The following CAMKMT variants were observed in gnomAD, a reference collection of about 807,000 sequenced individuals.
CAMKMT encodes CaM KMT.
Under a neutral mutation model 48.0 loss-of-function variants are expected in CAMKMT, and 53 were observed. That is an observed-to-expected ratio of 1.10 (90% confidence interval 0.89 to 1.39). The LOEUF (loss-of-function observed/expected upper bound fraction) is 1.39, where lower values mean the gene tolerates loss of function less well. CAMKMT is among the 40% of genes most tolerant of loss of function. The probability of loss-of-function intolerance (pLI) is 0.00; values close to 1 mark genes in which losing one functional copy is unlikely to be tolerated. For synonymous variants in CAMKMT, 165 were observed against 152.3 expected, an observed-to-expected ratio of 1.08 and a Z score of -0.61; for missense variants, 428 against 402.7, an observed-to-expected ratio of 1.06 and a Z score of -0.54.
At chr2:44,616,390 C>T (rs543575257) in intron 3 of CAMKMT, among the ~76,000 whole-genome samples, 1 of 152,316 alleles carries the variant, frequency 6.6e-6, no homozygotes, top group South Asian at 2.1e-4. Flanking sequence ...GGAAGAAGAG[C>T]TCTAGTGACT....
intron 3 of CAMKMT, among the ~76,000 whole-genome samples, chr2:44,518,104 C>G (rs1271756475): frequency 6.6e-6 from 1 of 151,952 alleles, no homozygotes; most frequent in Non-Finnish European, 1.5e-5. Flanking sequence ...TCATCCTCTA[C>G]TATTCAATTT....
intron 3 of CAMKMT, among the ~76,000 whole-genome samples, chr2:44,413,421 A>G (rs1171234839): frequency 6.6e-6 from 1 of 152,144 alleles, no homozygotes; most frequent in Non-Finnish European, 1.5e-5. Flanking sequence ...TGGGAGGCCA[A>G]GGCGGGTGGA....
At chr2:44,678,859 G>A (rs757509460) in intron 3 of CAMKMT, among the ~76,000 whole-genome samples, 1 of 152,120 alleles carries the variant, frequency 6.6e-6, no homozygotes, top group Non-Finnish European at 1.5e-5. Context: ...GGCAGACTCT[G>A]CTACTCACTT....
At chr2:44,505,931 G>A (rs779579670) in intron 3 of CAMKMT, among the ~76,000 whole-genome samples, 11 of 151,924 alleles carry the variant, frequency 7.2e-5, no homozygotes, top group Non-Finnish European at 1.3e-4. Flanking sequence ...GCAGTGGCGC[G>A]ATCTTGGCTT....
intron 3 of CAMKMT, among the ~76,000 whole-genome samples, chr2:44,479,049 C>G (rs965397388): frequency 2.0e-5 from 3 of 152,146 alleles, no homozygotes; most frequent in African/African-American, 4.8e-5. Context: ...GTACATATTG[C>G]TATTCTTAAA....
At chr2:44,575,204 G>T (rs1407704012) in intron 3 of CAMKMT, among the ~76,000 whole-genome samples, 2 of 152,002 alleles carry the variant, frequency 1.3e-5, no homozygotes, top group Non-Finnish European at 2.9e-5. Flanking sequence ...TCGGTCTCCT[G>T]AGTAGCTGGA....
intron 3 of CAMKMT, among the ~76,000 whole-genome samples, chr2:44,594,015 A>G (rs1670493049): frequency 6.6e-6 from 1 of 152,026 alleles, no homozygotes; most frequent in Non-Finnish European, 1.5e-5. Flanking sequence ...TGCCCACCTC[A>G]GCCTCCAAAA....
chr2:44,599,506 C>T (rs947862464), intron 3 of CAMKMT, among the ~76,000 whole-genome samples: 1 of 151,952 alleles, frequency 6.6e-6, no homozygotes, highest in African/African-American at 2.4e-5. Flanking sequence ...AATACATGCC[C>T]TGTTATTATT....
intron 3 of CAMKMT, among the ~76,000 whole-genome samples, chr2:44,595,109 C>G (rs962891216): frequency 1.3e-5 from 2 of 152,180 alleles, no homozygotes; most frequent in African/African-American, 4.8e-5. Context: ...GAGATACCAT[C>G]TCATGCCAGT....
chr2:44,432,437 G>C (rs1010353661), intron 3 of CAMKMT, among the ~76,000 whole-genome samples: 1 of 152,206 alleles, frequency 6.6e-6, no homozygotes, highest in Non-Finnish European at 1.5e-5. Context: ...AGATCAGGAA[G>C]TGCTGAAAAG....
chr2:44,409,482 A>T (rs1409471430), intron 3 of CAMKMT, among the ~76,000 whole-genome samples: 1 of 152,060 alleles, frequency 6.6e-6, no homozygotes, highest in Admixed American at 6.6e-5. Context: ...CTAAAAGTAG[A>T]TGTTATTGCG....
chr2:44,751,007 G>A (rs934110230), intron 8 of CAMKMT, among the ~76,000 whole-genome samples: 4 of 143,096 alleles, frequency 2.8e-5, no homozygotes, highest in Non-Finnish European at 6.1e-5. Flanking sequence ...AGTGAGACTC[G>A]GTCTCAAAAA....
At chr2:44,534,518 A>G (rs926120892) in intron 3 of CAMKMT, among the ~76,000 whole-genome samples, 2 of 152,210 alleles carry the variant, frequency 1.3e-5, no homozygotes, top group Non-Finnish European at 2.9e-5. Context: ...TTTTAAGAAT[A>G]GCAATCCTAT....
intron 3 of CAMKMT, among the ~76,000 whole-genome samples, chr2:44,682,077 G>A (rs1360980910): frequency 6.6e-6 from 1 of 152,202 alleles, no homozygotes; most frequent in Non-Finnish European, 1.5e-5. Flanking sequence ...TGGGGTCGAT[G>A]TGCCTTAGAG....
At chr2:44,445,027 G>T (rs934834580) in intron 3 of CAMKMT, among the ~76,000 whole-genome samples, 1 of 152,164 alleles carries the variant, frequency 6.6e-6, no homozygotes, top group Non-Finnish European at 1.5e-5. Context: ...GATAATAGAG[G>T]TTAAAAGGCA....
At chr2:44,673,513 G>GGAAA (rs1675477519) in intron 3 of CAMKMT, among the ~76,000 whole-genome samples, 1 of 100,742 alleles carries the variant, frequency 9.9e-6, no homozygotes, top group Non-Finnish European at 2.0e-5. Context: ...AAGGAAGGAA[G>GGAAA]GAAGGAAGGA....
intron 3 of CAMKMT, among the ~76,000 whole-genome samples, chr2:44,405,606 G>T (rs1358608066): frequency 6.6e-6 from 1 of 151,926 alleles, no homozygotes; most frequent in Non-Finnish European, 1.5e-5. Context: ...TTTGTTTCAA[G>T]TATGTGTTAC....
chr2:44,633,800 A>G (rs928280142), intron 3 of CAMKMT, among the ~76,000 whole-genome samples: 4 of 152,038 alleles, frequency 2.6e-5, no homozygotes, highest in African/African-American at 7.2e-5. Flanking sequence ...TTAAACATCT[A>G]GTAAGTTTTT....
intron 3 of CAMKMT, among the ~76,000 whole-genome samples, chr2:44,534,190 T>G (rs1360887811): frequency 6.6e-6 from 1 of 152,170 alleles, no homozygotes; most frequent in African/African-American, 2.4e-5. Context: ...TTAATATATA[T>G]GCACCCAACA....
Sources: allele counts gnomAD v4.1 joint callset (sites outside exome capture counted in the v4.1 genomes callset), GRCh38; gene constraint gnomAD v4.1.1; transcripts MANE v1.5; gene names NCBI Gene and HGNC (gene_info 2026-07-23, HGNC 2026-07-21).